The following TYW1B variants were observed in gnomAD, a reference collection of about 807,000 sequenced individuals.
TYW1B encodes the protein tRNA-yW synthesizing protein 1 homolog B, also known as S-adenosyl-L-methionine-dependent tRNA 4-demethylwyosine synthase TYW1B.
In TYW1B, 73 loss-of-function variants were observed where a neutral mutation model predicts 86.9. That is an observed-to-expected ratio of 0.84 (90% CI 0.70 to 1.02). The LOEUF is 1.02. TYW1B is among the 50% of genes least tolerant of loss of function. The pLI is 0.00. For missense variants in TYW1B, 637 were observed against 827.4 expected, an observed-to-expected ratio of 0.77 and a Z score of 2.82; for synonymous variants, 248 against 292.8, an observed-to-expected ratio of 0.85 and a Z score of 1.56.
intron 9 of TYW1B, among the ~76,000 whole-genome samples, chr7:72,719,703 T>C (rs1786860506): frequency 6.8e-6 from 1 of 146,540 alleles, no homozygotes; most frequent in Non-Finnish European, 1.5e-5. Flanking sequence ...GCAATGAAGA[T>C]GTGGGGTGCC....
chr7:72,652,165 CA>C (rs1554442896), intron 11 of TYW1B, among the ~76,000 whole-genome samples: 2 of 151,978 alleles, frequency 1.3e-5, no homozygotes. Flanking sequence ...ATCACGAGGT[CA>C]GGAGATCGAG....
intron 6 of TYW1B, 57 bp downstream of exon 6, chr7:72,802,343 T>G: frequency 6.2e-7 from 1 of 1,606,110 alleles, no homozygotes. Flanking sequence ...AATAAAGAAA[T>G]ACTAAATGTT....
At chr7:72,626,339 GCTTTCCCAGA>G (rs1316972607) in intron 12 of TYW1B, among the ~76,000 whole-genome samples, 1 of 151,440 alleles carries the variant, frequency 6.6e-6, no homozygotes, top group African/African-American at 2.4e-5. Flanking sequence ...AGCAGAGTTG[GCTTTCCCAGA>G]CAGGGTACAT....
chr7:72,785,885 G>C (rs1554472366), intron 6 of TYW1B, among the ~76,000 whole-genome samples: 2 of 152,156 alleles, frequency 1.3e-5, no homozygotes. Flanking sequence ...GGCTGAGGCA[G>C]GTGGATCACC....
intron 7 of TYW1B, among the ~76,000 whole-genome samples, chr7:72,744,846 C>G (rs1554463378): frequency 6.6e-6 from 1 of 152,166 alleles, no homozygotes; most frequent in East Asian, 1.9e-4. Flanking sequence ...GGGAGAACCA[C>G]TAATGCTTTC....
chr7:72,618,761 C>A (rs144413625), intron 12 of TYW1B, among the ~76,000 whole-genome samples: 1 of 152,140 alleles, frequency 6.6e-6, no homozygotes, highest in African/African-American at 2.4e-5. Flanking sequence ...ATTCATTAAA[C>A]GGAGTTGGAG....
intron 13 of TYW1B, among the ~76,000 whole-genome samples, chr7:72,591,266 G>A (rs1214795812): frequency 2.0e-5 from 3 of 152,030 alleles, no homozygotes; most frequent in Non-Finnish European, 2.9e-5. Context: ...AGACGACAGA[G>A]AGAATGCTTG....
At chr7:72,703,342 T>G (rs1165025192) in intron 10 of TYW1B, among the ~76,000 whole-genome samples, 1 of 151,994 alleles carries the variant, frequency 6.6e-6, no homozygotes, top group African/African-American at 2.4e-5. Flanking sequence ...TATTTTCTAT[T>G]TCCACTGTAA....
rs1788094354 is a variant in TYW1B at position 72,784,384 on chromosome 7, G to A, written c.847-6851C>T. On this transcript the variant is annotated intron_variant, in intron 6 of 13. Transcript: ENST00000620995. ...ATGATGGACAAATTGCTTAAACTAA[G>A]CCTCAGTTGCTATCTGTTAAATGGT... Among the ~76,000 whole-genome samples the A allele has an allele frequency of 3.3e-5, 5 of 152,332 alleles. 1 individual carries two copies. In the South Asian group the frequency reaches 6.2e-4, roughly 19 times the overall value.
intron 7 of TYW1B, among the ~76,000 whole-genome samples, chr7:72,749,792 C>T (rs564198679): frequency 6.7e-6 from 1 of 149,050 alleles, no homozygotes; most frequent in Admixed American, 6.7e-5. Flanking sequence ...TGATTTGAGA[C>T]CTTTCCTCAT....
intron 7 of TYW1B, among the ~76,000 whole-genome samples, chr7:72,761,584 C>T (rs1554467182): frequency 8.3e-6 from 1 of 120,674 alleles, no homozygotes; most frequent in African/African-American, 3.0e-5. Flanking sequence ...GAGTGAGACC[C>T]TGTCTCAAAA....
intron 10 of TYW1B, among the ~76,000 whole-genome samples, chr7:72,711,130 A>G (rs1364514934): frequency 2.6e-5 from 4 of 152,168 alleles, no homozygotes; most frequent in Non-Finnish European, 5.9e-5. Flanking sequence ...CTTCACCCTC[A>G]TACACTGGGC....
chr7:72,658,702 T>C (rs1813261776), intron 11 of TYW1B, among the ~76,000 whole-genome samples: 2 of 152,216 alleles, frequency 1.3e-5, no homozygotes. Context: ...CATCTACATA[T>C]ATAAACATAA....
At chr7:72,744,730 C>G in intron 7 of TYW1B, 129 bp from the exon 8 acceptor site, 3 of 1,049,490 alleles carry the variant, frequency 2.9e-6, no homozygotes, top group Non-Finnish European at 1.4e-6. Flanking sequence ...ATCTGCATGA[C>G]GCAGGAAATT....
intron 11 of TYW1B, among the ~76,000 whole-genome samples, chr7:72,664,027 G>A (rs1373387532): frequency 1.3e-5 from 2 of 151,740 alleles, no homozygotes; most frequent in Admixed American, 6.6e-5. Context: ...TTCTACCTAC[G>A]TGTCCATGTT....
intron 12 of TYW1B, among the ~76,000 whole-genome samples, chr7:72,621,967 G>T (rs529423206): frequency 2.6e-5 from 4 of 152,360 alleles, no homozygotes; most frequent in African/African-American, 9.6e-5. Context: ...CAAGGATTGA[G>T]CACTACACAC....
chr7:72,658,205 C>T (rs1166310689), intron 11 of TYW1B, among the ~76,000 whole-genome samples: 3 of 151,794 alleles, frequency 2.0e-5, no homozygotes, highest in East Asian at 1.9e-4. Context: ...AAGCTGAGAT[C>T]GCGCCACTGC....
chr7:72,772,650 C>G (rs1787887815), intron 7 of TYW1B, among the ~76,000 whole-genome samples: 1 of 152,066 alleles, frequency 6.6e-6, no homozygotes, highest in Non-Finnish European at 1.5e-5. Flanking sequence ...ACTAGTAGTA[C>G]AAACAAGTAG....
At chr7:72,769,795 G>C (rs535276014) in intron 7 of TYW1B, among the ~76,000 whole-genome samples, 5 of 152,300 alleles carry the variant, frequency 3.3e-5, no homozygotes, top group East Asian at 1.9e-4. Context: ...TTCTTGGCTG[G>C]GCATGGTGGC....
Sources: gnomAD v4.1 joint callset for allele counts (sites outside exome capture counted in the v4.1 genomes callset) on GRCh38, gnomAD v4.1.1 for gene constraint, MANE v1.5 for transcripts, NCBI Gene and HGNC (gene_info 2026-07-23, HGNC 2026-07-21) for gene names.